TRPV6: variants seen among roughly 807,000 people sequenced by gnomAD.
TRPV6 encodes transient receptor potential cation channel subfamily V member 6, also known as Alu-binding protein with zinc finger domain.
TRPV6 carries 39 observed loss-of-function variants against 79.0 expected under a neutral mutation model. The observed-to-expected ratio is 0.49, with a 90% CI of 0.38 to 0.64. TRPV6 has a LOEUF of 0.64. TRPV6 is among the 30% of genes least tolerant of loss of function. The pLI is 0.00. For synonymous variants in TRPV6, 373 were observed against 391.9 expected (o/e 0.95, Z 0.57); for missense variants, 813 against 1,011.1 (o/e 0.80, Z 2.66).
At chr7:142,877,824 G>A (rs2116521771) in intron 2 of TRPV6, 51 bp from the exon 3 acceptor site, 1 of 1,613,394 alleles carries the variant, frequency 6.2e-7, no homozygotes, top group Non-Finnish European at 8.5e-7. Flanking sequence ...ACAGCGGATT[G>A]GAGACGATAG....
At position 142,885,646 on chromosome 7, in the gene TRPV6, C is replaced by G. The variant is rs1795291322; in HGVS notation, c.-10G>C. The G allele has an allele frequency of 7.7e-7, 1 of 1,292,110 alleles. No homozygotes were observed. The highest frequency in any genetic ancestry group is 1.5e-5 in the African/African-American group (1 of 66,962). The allele number at this position is 1,292,110 out of a possible 1,614,324, so 80.0% of individuals were successfully genotyped here. A position where few individuals can be genotyped will look rare whatever the true frequency, so the allele number is the denominator to read the frequency against. On this transcript the variant is annotated 5_prime_UTR_variant, in exon 1 of 15. Coordinates refer to ENST00000359396, the MANE Select transcript of TRPV6 (RefSeq NM_018646.6). The stretch of plus-strand genomic sequence containing the variant: ...CCTGTAGAGGTCCCGTCTCCTGTCT[C>G]CTGCCTTCCTGACGAGTTCCTTGGG...
rs909948439 is a variant in TRPV6 at position 142,875,774 on chromosome 7, GTGA to G, written c.1010_1012del (p.Ile337del). 1.2e-6 allele frequency: 2 copies of G among 1,605,704 alleles called. No homozygotes were observed. Among genetic ancestry groups the G allele is most frequent in the African/African-American group, 1.3e-5 (1 of 74,622 alleles). On this transcript the variant is annotated inframe_deletion, in exon 7 of 15. Transcript: ENST00000359396. ...GAGCCATACCTCCCGCTTCTTGGTG[GTGA>G]TGATAAGTTCCAGCAGGGACTGCTC...
At position 142,873,056 on chromosome 7, in the gene TRPV6, C is replaced by CT. The variant is rs1373222024; in HGVS notation, c.1908+391dup. On this transcript the variant is annotated intron_variant, in intron 13 of 14. Transcript: ENST00000359396. The surrounding 1 kb of genome is among the most constrained non-coding windows in gnomAD (Gnocchi z 4.8). ...ACTATAGGAAGTTTTGGTGGCATTA[C>CT]TTTTTTAACACATCCTGCTTTCCAT... Among the ~76,000 whole-genome samples, 5 of 152,132 alleles carry CT rather than the reference C, an allele frequency of 3.3e-5. No homozygotes were observed. The East Asian group carries it at 5.8e-4, about 18-fold the overall frequency.
intron 1 of TRPV6, chr7:142,884,521 C>T (rs1795260368): frequency 1.3e-5 from 2 of 152,234 alleles, no homozygotes; most frequent in South Asian, 4.1e-4. Flanking sequence ...GAAGAAGAGA[C>T]CACATGCAGG....
rs375794681 is a variant in TRPV6, at chr7:142,876,422, C to T, written c.868G>A (p.Glu290Lys). 3.1e-6 allele frequency: 5 copies of T among 1,613,820 alleles called. No individual in the cohort carries two copies. Among genetic ancestry groups the T allele is most frequent in the Non-Finnish European group, 4.2e-6 (5 of 1,179,836 alleles). ...CCGTCTCTCACCACAGTGTTACCCT[C>T]CACTCCAGCCAGCTTGAAAGGGGTG... Residue 290 changes from glutamate (E) to lysine (K), a missense_variant, in exon 6 of 15, where the codon GAG becomes AAG. This residue lies in a region of TRPV6 where 555 missense variants were observed against 631.0 expected (regional missense o/e 0.88). Coordinates refer to ENST00000359396, the MANE Select transcript of TRPV6 (RefSeq NM_018646.6).
chr7:142,875,834 TAG>T lies in TRPV6; in HGVS notation c.951_952del (p.Tyr318Ter). On this transcript the variant is annotated frameshift_variant, in exon 7 of 15. Coordinates refer to ENST00000359396, the MANE Select transcript of TRPV6 (RefSeq NM_018646.6). LOFTEE classifies it high-confidence loss of function. ...TGAGGAGTCGATCTCTGTGAGGTCA[TAG>T]AGAGTCGAGGTCAGTGGTCCATACG... The T allele has an allele frequency of 1.2e-6, 2 of 1,611,630 alleles. No homozygotes were observed. Among genetic ancestry groups the T allele is most frequent in the South Asian group, 1.1e-5 (1 of 90,868 alleles).
In TRPV6 at chr7:142,885,598, C is replaced by G. The variant is rs1053076201; in HGVS notation, c.39G>C (p.Gly13=). The stretch of plus-strand genomic sequence containing the variant: ...TCAGCCTTGGGGCCACATCAGCCCC[C>G]CCAAGGGCCGGCCCACCGTCTCCCT... The change falls in exon 1 of 15, where the codon GGG becomes GGC. Residue 13 remains glycine, a synonymous_variant. Coordinates refer to ENST00000359396, the MANE Select transcript of TRPV6 (RefSeq NM_018646.6). 8 of 1,491,094 alleles carry G rather than the reference C, an allele frequency of 5.4e-6. No homozygotes were observed. In the African/African-American group the frequency reaches 5.6e-5, roughly 11 times the overall value. The allele number at this position is 1,491,094 out of a possible 1,614,324, so 92.4% of individuals were successfully genotyped here.
intron 1 of TRPV6, chr7:142,883,800 C>G (rs1189346857): frequency 6.6e-6 from 1 of 152,272 alleles, no homozygotes; most frequent in African/African-American, 2.4e-5. Context: ...TGATATCCAG[C>G]AAGAAGAAGG....
At chr7:142,876,984 G>A in intron 4 of TRPV6, 147 bp from the exon 5 acceptor site, 1 of 1,428,062 alleles carries the variant, frequency 7.0e-7, no homozygotes, top group Non-Finnish European at 9.5e-7. Context: ...GAAGGGTCGT[G>A]GGGTAAATTG....
intron 13 of TRPV6, 55 bp from the exon 14 acceptor site, chr7:142,872,533 TA>T (rs1380067194): frequency 1.3e-6 from 2 of 1,545,694 alleles, no homozygotes; most frequent in African/African-American, 2.7e-5. Context: ...CAGACAGAGG[TA>T]GGGGTAGGGC....
At chr7:142,879,771 A>C (rs1795156667) in intron 1 of TRPV6, 1 of 152,196 alleles carries the variant, frequency 6.6e-6, no homozygotes, top group South Asian at 2.1e-4. Flanking sequence ...AGATTAGCAA[A>C]ATGCTAAGGA....
In TRPV6 at chr7:142,871,563, A is replaced by G. The variant is rs2116502150; in HGVS notation, c.*144T>C. The G allele has an allele frequency of 9.8e-7, 1 of 1,015,778 alleles. No individual in the cohort carries two copies. The highest frequency in any genetic ancestry group is 1.4e-6 in the Non-Finnish European group (1 of 704,240). The allele number at this position is 1,015,778 out of a possible 1,614,324, so 62.9% of individuals were successfully genotyped here. ...ATGCAGGCCTGGAGCAGTGATTCTC[A>G]ACGTACATTCCTTGGCGTTCATGCT... On this transcript the variant is annotated 3_prime_UTR_variant, in exon 15 of 15. Coordinates refer to ENST00000359396, the MANE Select transcript of TRPV6 (RefSeq NM_018646.6).
At chr7:142,872,532 G>C in intron 13 of TRPV6, 54 bp from the exon 14 acceptor site, 1 of 1,546,976 alleles carries the variant, frequency 6.5e-7, no homozygotes, top group South Asian at 1.2e-5. Context: ...GCAGACAGAG[G>C]TAGGGGTAGG....
Position 142,871,633 on chromosome 7 carries a change from G to A in TRPV6, c.*74C>T, listed in dbSNP as rs1794932150. The A allele has an allele frequency of 2.0e-6, 3 of 1,519,818 alleles. No individual in the cohort carries two copies. Among genetic ancestry groups the A allele is most frequent in the Non-Finnish European group, 2.7e-6 (3 of 1,129,568 alleles). 94.1% of individuals were successfully genotyped at this position (1,519,818 alleles called of 1,614,324 possible). ...GGCCTGGGAGATGAGACCTCTGGGT[G>A]TTTGGTTTTTGTTTTGTTTGATGCA... On this transcript the variant is annotated 3_prime_UTR_variant, in exon 15 of 15. Transcript: ENST00000359396.
At chr7:142,872,297 C>T (rs1350252754) in intron 14 of TRPV6, 75 bp downstream of exon 14, 27 of 1,495,822 alleles carry the variant, frequency 1.8e-5, no homozygotes, top group South Asian at 3.5e-5. Flanking sequence ...ACCCAGGAGC[C>T]GGAAGCTGTC....
At chr7:142,877,809 G>T (rs1039973649) in intron 2 of TRPV6, 36 bp from the exon 3 acceptor site, 4 of 1,613,722 alleles carry the variant, frequency 2.5e-6, no homozygotes, top group Non-Finnish European at 3.4e-6. Flanking sequence ...TATGGCTTCT[G>T]TGGGACAGCG....
chr7:142,875,173 GGA>G lies in TRPV6; in HGVS notation c.1243-11_1243-10del. ...GGGGTCATGTAGGCTTCCTAATGGG[GGA>G]GAAGAACAGTCAAAATGCTCAGGGC... On this transcript the variant is annotated splice_polypyrimidine_tract_variant and intron_variant, in intron 8 of 14. Coordinates refer to ENST00000359396, the MANE Select transcript of TRPV6 (RefSeq NM_018646.6). 1 of 1,613,968 alleles carries G rather than the reference GGA, an allele frequency of 6.2e-7. No homozygotes were observed. Among genetic ancestry groups the G allele is most frequent in the Non-Finnish European group, 8.5e-7 (1 of 1,179,958 alleles).
intron 1 of TRPV6, chr7:142,880,117 C>T (rs1795163247): frequency 6.6e-6 from 1 of 152,144 alleles, no homozygotes; most frequent in Non-Finnish European, 1.5e-5. Context: ...CATCAGCTGC[C>T]CGCTAAGCCA....
intron 4 of TRPV6, 77 bp from the exon 5 acceptor site, chr7:142,876,914 C>T (rs1795087504): frequency 6.4e-7 from 1 of 1,560,048 alleles, no homozygotes; most frequent in Non-Finnish European, 8.7e-7. Flanking sequence ...CAAGTGACAG[C>T]CTTATCTTCC....
Sources: allele counts gnomAD v4.1 joint callset (sites outside exome capture counted in the v4.1 genomes callset), GRCh38; gene constraint gnomAD v4.1.1; regional missense constraint gnomAD v4.1.1; non-coding constraint Gnocchi (gnomAD v3.1); transcripts MANE v1.5; gene names NCBI Gene and HGNC (gene_info 2026-07-23, HGNC 2026-07-21).